The following STX8 variants were observed in gnomAD, a reference collection of about 807,000 sequenced individuals.
The protein encoded by STX8 is syntaxin 8.
STX8 carries 23 observed loss-of-function variants against 37.5 expected under a neutral mutation model. The observed-to-expected ratio is 0.61, with a 90% confidence interval of 0.44 to 0.87. The LOEUF (loss-of-function observed/expected upper bound fraction) is 0.87. Ranked by LOEUF, STX8 falls within the 40% of genes least tolerant of loss-of-function variation. STX8 has a pLI of 0.00. For synonymous variants in STX8, 115 were observed against 99.1 expected, an observed-to-expected ratio of 1.16 and a Z score of -0.95; for missense variants, 313 against 284.7, an observed-to-expected ratio of 1.10 and a Z score of -0.71.
intron 6 of STX8, among the ~76,000 whole-genome samples, chr17:9,490,174 CTATT>C (rs1430946510): frequency 7.2e-5 from 11 of 152,086 alleles, no homozygotes; most frequent in African/African-American, 2.2e-4. Flanking sequence ...ATTTAGTAAT[CTATT>C]TATTTATGAT....
intron 6 of STX8, among the ~76,000 whole-genome samples, chr17:9,407,067 T>A (rs1376526460): frequency 2.0e-5 from 3 of 152,178 alleles, no homozygotes; most frequent in East Asian, 3.8e-4. Flanking sequence ...AAGAAGAATG[T>A]TAACTGAATA....
intron 6 of STX8, among the ~76,000 whole-genome samples, chr17:9,386,097 T>G (rs892673438): frequency 4.1e-4 from 45 of 109,900 alleles, no homozygotes; most frequent in Admixed American, 3.9e-3. Context: ...AATAAAAGCC[T>G]ATTTCTCAAA....
chr17:9,446,600 G>A (rs1904860550), intron 6 of STX8, among the ~76,000 whole-genome samples: 1 of 152,140 alleles, frequency 6.6e-6, no homozygotes, highest in African/African-American at 2.4e-5. Context: ...AAGATAGAAA[G>A]GAATAAATAA....
chr17:9,374,580 C>G (rs887084646), intron 7 of STX8, among the ~76,000 whole-genome samples: 1 of 152,050 alleles, frequency 6.6e-6, no homozygotes, highest in Admixed American at 6.6e-5. Flanking sequence ...CATCGACATG[C>G]AAAAACTAGC....
At chr17:9,371,480 A>G (rs17741619) in intron 7 of STX8, among the ~76,000 whole-genome samples, 58,152 of 152,064 alleles carry the variant, frequency 0.38, 11,426 homozygotes, top group Non-Finnish European at 0.42. Context: ...GTGGCTTTGC[A>G]CTTGAGAAGA....
chr17:9,510,095 A>G (rs1256082193), intron 4 of STX8, among the ~76,000 whole-genome samples: 1 of 152,242 alleles, frequency 6.6e-6, no homozygotes, highest in Non-Finnish European at 1.5e-5. Context: ...AACTGTAAAT[A>G]TATACACATT....
At chr17:9,402,428 T>C (rs1912657364) in intron 6 of STX8, among the ~76,000 whole-genome samples, 1 of 152,186 alleles carries the variant, frequency 6.6e-6, no homozygotes. Flanking sequence ...GCCTTTTTAA[T>C]ATATTTTTAA....
At chr17:9,455,699 G>C (rs1029405729) in intron 6 of STX8, among the ~76,000 whole-genome samples, 1 of 152,078 alleles carries the variant, frequency 6.6e-6, no homozygotes, top group East Asian at 1.9e-4. Flanking sequence ...GTATCAGGAA[G>C]GGAAGAAAAG....
rs889446940 is a variant in STX8 at position 9,349,206 on chromosome 17, G to A, written c.643+29346C>T. ...AGCATTTCACCATGTTGGCCAGGCC[G>A]GTCTCAAACTCCTGACCTTGGGTGA... On this transcript the variant is annotated intron_variant, in intron 7 of 7. Transcript: ENST00000306357. Among the ~76,000 whole-genome samples the A allele has an allele frequency of 8.6e-5, 13 of 151,812 alleles. No individual in the cohort carries two copies. The South Asian group carries it at 1.2e-3, about 15-fold the overall frequency.
intron 4 of STX8, among the ~76,000 whole-genome samples, chr17:9,506,548 C>T (rs1251120467): frequency 6.6e-6 from 1 of 151,994 alleles, no homozygotes; most frequent in Non-Finnish European, 1.5e-5. Context: ...TCTAGGAGGG[C>T]AGCATGAAGG....
chr17:9,366,041 A>G (rs1252821444), intron 7 of STX8, among the ~76,000 whole-genome samples: 2 of 152,184 alleles, frequency 1.3e-5, no homozygotes, highest in Non-Finnish European at 2.9e-5. Flanking sequence ...CATGGAGAAC[A>G]AAACAATCAC....
chr17:9,324,785 AAAGAG>A (rs1189244366), intron 7 of STX8, among the ~76,000 whole-genome samples: 4 of 151,486 alleles, frequency 2.6e-5, no homozygotes, highest in Non-Finnish European at 4.4e-5. Flanking sequence ...AAAAAAAAAA[AAAGAG>A]AAGAGCTGGG....
At chr17:9,522,636 C>A in intron 4 of STX8, among the ~76,000 whole-genome samples, 1 of 151,680 alleles carries the variant, frequency 6.6e-6, no homozygotes, top group South Asian at 2.1e-4. Context: ...GGCGTGAACC[C>A]AGGAGGCGGA....
At position 9,345,193 on chromosome 17, in the gene STX8, C is replaced by T. The variant is rs561032051; in HGVS notation, c.643+33359G>A. ...TAGATGGAGTTTTGCTCTTGTCACC[C>T]AGGCTGGAGTGCCACGGTGCAATCT... On this transcript the variant is annotated intron_variant, in intron 7 of 7. Transcript: ENST00000306357. Among the ~76,000 whole-genome samples the T allele has an allele frequency of 3.9e-5, 6 of 152,114 alleles. No homozygotes were observed. In the East Asian group the frequency reaches 9.7e-4, roughly 25 times the overall value.
intron 7 of STX8, among the ~76,000 whole-genome samples, chr17:9,364,423 A>C (rs1911160285): frequency 6.6e-6 from 1 of 152,218 alleles, no homozygotes; most frequent in East Asian, 1.9e-4. Context: ...TGATTGAAGA[A>C]GACATGTTTA....
At chr17:9,314,627 CTCGATCTCCTGACCTAG>C (rs1290601280) in intron 7 of STX8, among the ~76,000 whole-genome samples, 1 of 147,754 alleles carries the variant, frequency 6.8e-6, no homozygotes, top group Non-Finnish European at 1.5e-5. Context: ...CCAGGATGGT[CTCGATCTCCTGACCTAG>C]TGATCCACCT....
At chr17:9,533,111 T>C (rs1437227724) in intron 4 of STX8, among the ~76,000 whole-genome samples, 3 of 152,344 alleles carry the variant, frequency 2.0e-5, no homozygotes, top group African/African-American at 2.4e-5. Flanking sequence ...ACAAAATATA[T>C]ACAAGATTAT....
intron 6 of STX8, among the ~76,000 whole-genome samples, chr17:9,417,106 C>T (rs576687922): frequency 1.8e-4 from 27 of 152,246 alleles, no homozygotes; most frequent in African/African-American, 4.8e-4. Flanking sequence ...GGCCCCTGCC[C>T]ACCAAACTAT....
intron 7 of STX8, among the ~76,000 whole-genome samples, chr17:9,362,855 A>ATAAATTAAT (rs1555601163): frequency 6.6e-5 from 10 of 151,204 alleles, no homozygotes; most frequent in African/African-American, 2.4e-4. Flanking sequence ...AAATAAATAA[A>ATAAATTAAT]TAAATAAATA....
Sources: allele counts gnomAD v4.1 joint callset (sites outside exome capture counted in the v4.1 genomes callset), GRCh38; gene constraint gnomAD v4.1.1; transcripts MANE v1.5; gene names NCBI Gene and HGNC (gene_info 2026-07-23, HGNC 2026-07-21).